The following ST6GAL1 variants were observed in gnomAD, a reference collection of about 807,000 sequenced individuals.
ST6GAL1 encodes ST6 beta-galactoside alpha-2,6-sialyltransferase 1.
In ST6GAL1, 20 loss-of-function variants were observed where a neutral mutation model predicts 38.0. That is an observed-to-expected ratio of 0.53 (90% confidence interval 0.37 to 0.77). The LOEUF (loss-of-function observed/expected upper bound fraction) is 0.77. Ranked by LOEUF, ST6GAL1 falls within the 30% of genes least tolerant of loss-of-function variation. ST6GAL1 has a pLI of 0.00. For synonymous variants in ST6GAL1, 196 were observed against 188.2 expected, an observed-to-expected ratio of 1.04 and a Z score of -0.34; for missense variants, 432 against 496.4, an observed-to-expected ratio of 0.87 and a Z score of 1.23.
intron 2 of ST6GAL1, among the ~76,000 whole-genome samples, chr3:187,003,589 T>C (rs1373402594): frequency 6.6e-6 from 1 of 152,216 alleles, no homozygotes; most frequent in African/African-American, 2.4e-5. Context: ...CAGTAAAAAG[T>C]CTTGCCTATC....
intron 5 of ST6GAL1, among the ~76,000 whole-genome samples, chr3:187,056,103 G>C (rs1718691367): frequency 6.6e-6 from 1 of 152,122 alleles, no homozygotes; most frequent in Non-Finnish European, 1.5e-5. Context: ...TTTAAAGTCT[G>C]TTTTATCAGA....
At chr3:187,058,565 A>G (rs1039603014) in intron 5 of ST6GAL1, among the ~76,000 whole-genome samples, 1 of 152,022 alleles carries the variant, frequency 6.6e-6, no homozygotes, top group African/African-American at 2.4e-5. Flanking sequence ...CACATCTTCT[A>G]GTCACCTCTA....
At chr3:186,993,709 A>C (rs1012485371) in intron 2 of ST6GAL1, among the ~76,000 whole-genome samples, 13 of 152,072 alleles carry the variant, frequency 8.5e-5, no homozygotes, top group Non-Finnish European at 1.6e-4. Context: ...TGGGCCTGGG[A>C]AACTAGATTT....
rs1349330810 is a variant in ST6GAL1 at position 186,952,322 on chromosome 3, G to A, written c.-324-11463G>A. ...CCAGTATCCTCTCTTGCCAAATCCA[G>A]TGGTCAGATCTCAGTCCCTATCTTG... On this transcript the variant is annotated intron_variant, in intron 1 of 7. Coordinates refer to ENST00000169298, the MANE Select transcript of ST6GAL1 (RefSeq NM_173216.2). The surrounding 1 kb of genome is among the most constrained non-coding windows in gnomAD (Gnocchi z 4.1). Among the ~76,000 whole-genome samples, 1 of 152,040 alleles carries A rather than the reference G, an allele frequency of 6.6e-6. No individual in the cohort carries two copies. Among genetic ancestry groups the A allele is most frequent in the Non-Finnish European group, 1.5e-5 (1 of 68,010 alleles).
intron 2 of ST6GAL1, among the ~76,000 whole-genome samples, chr3:187,034,054 A>G (rs2108574142): frequency 6.6e-6 from 1 of 152,268 alleles, no homozygotes; most frequent in Non-Finnish European, 1.5e-5. Flanking sequence ...ACAAATAATC[A>G]CAACCAGAAA....
chr3:187,057,686 G>A (rs1201528177), intron 5 of ST6GAL1, among the ~76,000 whole-genome samples: 1 of 152,112 alleles, frequency 6.6e-6, no homozygotes, highest in Non-Finnish European at 1.5e-5. Flanking sequence ...TGGGGCAACT[G>A]CCTGTATGAG....
intron 1 of ST6GAL1, among the ~76,000 whole-genome samples, chr3:186,954,747 T>G (rs1560140641): frequency 6.6e-6 from 1 of 152,172 alleles, no homozygotes; most frequent in Non-Finnish European, 1.5e-5. Context: ...ATGGATAGAT[T>G]AGATTGCAAA....
In ST6GAL1 at chr3:187,064,999, CT is replaced by C. The variant is rs1198744808; in HGVS notation, c.706-7845del. Among the ~76,000 whole-genome samples the C allele has an allele frequency of 5.0e-5, 5 of 100,536 alleles. No homozygotes were observed. The Admixed American group carries it at 6.0e-4, about 12-fold the overall frequency. The allele number at this position is 100,536 out of a possible 152,430, so 66.0% of individuals were successfully genotyped here. On this transcript the variant is annotated intron_variant, in intron 5 of 7. Transcript: ENST00000169298. ...GAGGTCTCCTGACAGCAGCTCTCTT[CT>C]TTTTCTTTTTTTTTTTTTTTGAGAC... is the stretch of plus-strand genomic sequence containing the variant.
intron 2 of ST6GAL1, among the ~76,000 whole-genome samples, chr3:187,036,107 A>G (rs1717922975): frequency 6.6e-6 from 1 of 152,188 alleles, no homozygotes; most frequent in Admixed American, 6.5e-5. Flanking sequence ...ATATGAACAG[A>G]CAATTCTCAA....
intron 2 of ST6GAL1, among the ~76,000 whole-genome samples, chr3:187,013,899 T>G (rs188544023): frequency 6.6e-5 from 10 of 152,358 alleles, no homozygotes; most frequent in Admixed American, 6.5e-4. Flanking sequence ...ATACTGGTTT[T>G]GTTGAGATGA....
rs954838839 is a variant in ST6GAL1 at position 186,969,147 on chromosome 3, G to A, written c.-183+5221G>A. Among the ~76,000 whole-genome samples the A allele has an allele frequency of 8.7e-5, 13 of 149,428 alleles. No homozygotes were observed. In the Admixed American group the frequency reaches 8.7e-4, roughly 10 times the overall value. On this transcript the variant is annotated intron_variant, in intron 2 of 7. Coordinates refer to ENST00000169298, the MANE Select transcript of ST6GAL1 (RefSeq NM_173216.2). Reference sequence around the variant, plus strand: ...GCTCACTGCAACCTCTGCCTCCGGGGTTCAAGCGATTCTCCTGCCTCAGCC... The same window carrying A: ...GCTCACTGCAACCTCTGCCTCCGGGATTCAAGCGATTCTCCTGCCTCAGCC...
chr3:186,981,504 C>A (rs952295749), intron 2 of ST6GAL1, among the ~76,000 whole-genome samples: 1 of 152,192 alleles, frequency 6.6e-6, no homozygotes, highest in African/African-American at 2.4e-5. Context: ...CGTGGGTAAC[C>A]TGCATGAAGT....
chr3:187,030,434 AT>A (rs1717704870), intron 2 of ST6GAL1, among the ~76,000 whole-genome samples: 2 of 151,994 alleles, frequency 1.3e-5, no homozygotes, highest in South Asian at 4.1e-4. Flanking sequence ...ATAGTTATTC[AT>A]TTTTTATTTT....
intron 1 of ST6GAL1, chr3:186,942,313 C>A (rs1249261251): frequency 6.6e-6 from 1 of 152,226 alleles, no homozygotes; most frequent in Non-Finnish European, 1.5e-5. Context: ...GGCTTCAGCT[C>A]CCTTTGACCT....
At chr3:187,009,637 ATAAG>A (rs1352382122) in intron 2 of ST6GAL1, among the ~76,000 whole-genome samples, 5 of 152,130 alleles carry the variant, frequency 3.3e-5, no homozygotes, top group South Asian at 2.1e-4. Context: ...GTCTCTAAAA[ATAAG>A]TAAGTGAATA....
intron 2 of ST6GAL1, among the ~76,000 whole-genome samples, chr3:187,012,943 T>C (rs957034669): frequency 6.6e-6 from 1 of 152,124 alleles, no homozygotes; most frequent in African/African-American, 2.4e-5. Flanking sequence ...ACCTGCTCTG[T>C]GGAAATGAAA....
intron 1 of ST6GAL1, among the ~76,000 whole-genome samples, chr3:186,954,025 C>T (rs958162753): frequency 1.3e-5 from 2 of 152,096 alleles, no homozygotes; most frequent in African/African-American, 4.8e-5. Flanking sequence ...TGTTCCCCTC[C>T]CTGTGTCCAT....
intron 5 of ST6GAL1, among the ~76,000 whole-genome samples, chr3:187,062,785 A>T (rs1224274179): frequency 6.6e-6 from 1 of 152,200 alleles, no homozygotes; most frequent in Non-Finnish European, 1.5e-5. Context: ...ACACTTAAAA[A>T]TGGTTAAGAT....
intron 5 of ST6GAL1, among the ~76,000 whole-genome samples, chr3:187,065,864 C>G (rs1719091698): frequency 6.6e-6 from 1 of 152,204 alleles, no homozygotes; most frequent in Admixed American, 6.5e-5. Context: ...ATCTTCATGG[C>G]AAACCCTGTG....
Sources: allele counts gnomAD v4.1 joint callset (sites outside exome capture counted in the v4.1 genomes callset), GRCh38; gene constraint gnomAD v4.1.1; non-coding constraint Gnocchi (gnomAD v3.1); transcripts MANE v1.5; gene names NCBI Gene and HGNC (gene_info 2026-07-23, HGNC 2026-07-21).